Variants in PTPN5 observed in about 807,000 individuals in gnomAD.
PTPN5 encodes protein tyrosine phosphatase non-receptor type 5.
PTPN5 carries 29 observed loss-of-function variants against 73.9 expected under a neutral mutation model. The ratio of observed to expected loss-of-function variants is 0.39; its 90% CI spans 0.29 to 0.54. The LOEUF is 0.54. Ranked by LOEUF, PTPN5 falls within the 20% of genes least tolerant of loss-of-function variation. The pLI is 0.65. For synonymous variants in PTPN5, 267 were observed against 304.7 expected (o/e 0.88, Z 1.29); for missense variants, 652 against 751.4 (o/e 0.87, Z 1.55).
In PTPN5 at chr11:18,742,533, C is replaced by T. The variant is rs199620812; in HGVS notation, c.484-30G>A. On this transcript the variant is annotated intron_variant, in intron 6 of 14. Transcript: ENST00000358540. The surrounding 1 kb of genome is among the most constrained non-coding windows in gnomAD (Gnocchi z 4.1). ...TTGGGGTGTACAGCATCACAGATTT[C>T]GGACCACGCTGGCTGCCCCCCGTGT... The T allele has an allele frequency of 8.8e-5, 142 of 1,607,442 alleles. No homozygotes were observed. Among genetic ancestry groups the T allele is most frequent in the Non-Finnish European group, 1.1e-4 (134 of 1,178,024 alleles).
chr11:18,751,043 G>T (rs943052494), intron 3 of PTPN5, among the ~76,000 whole-genome samples: 7 of 152,188 alleles, frequency 4.6e-5, no homozygotes, highest in Admixed American at 4.6e-4. Flanking sequence ...GGGCGGAGTG[G>T]TGGAAGAGTC....
intron 2 of PTPN5, among the ~76,000 whole-genome samples, chr11:18,770,033 T>A (rs1263797576): frequency 6.6e-6 from 1 of 152,076 alleles, no homozygotes; most frequent in South Asian, 2.1e-4. Flanking sequence ...GCTGGGTAGG[T>A]CTGTAACACG....
chr11:18,764,173 C>T lies in PTPN5; in HGVS notation c.97+1634G>A, dbSNP rs570175461. 5.9e-5 allele frequency among the ~76,000 whole-genome samples: 9 copies of T among 152,294 alleles called. No homozygotes were observed. In the South Asian group the frequency reaches 1.2e-3, roughly 21 times the overall value. ...TCTAGTACTTGAATGCCTCCTGTGA[C>T]GGAACACGCATTTCTTCCTCTGGAA... On this transcript the variant is annotated intron_variant, in intron 3 of 14. Transcript: ENST00000358540.
Position 18,782,780 on chromosome 11 carries a change from A to G in PTPN5, c.-114+8745T>C, listed in dbSNP as rs191912444. Among the ~76,000 whole-genome samples, 4 of 152,314 alleles carry G rather than the reference A, an allele frequency of 2.6e-5. No individual in the cohort carries two copies. The East Asian group carries it at 7.7e-4, about 29-fold the overall frequency. ...GACTGCTTGTAAAGTAAACCTGAAG[A>G]ACATGTGTGAGCATTTTTGGTTGTT... On this transcript the variant is annotated intron_variant, in intron 1 of 14. Transcript: ENST00000358540.
intron 1 of PTPN5, among the ~76,000 whole-genome samples, chr11:18,777,264 T>C (rs1851203437): frequency 6.6e-6 from 1 of 152,226 alleles, no homozygotes; most frequent in Non-Finnish European, 1.5e-5. Context: ...GGCTGCCTGA[T>C]CTTGGGCAAG....
chr11:18,786,268 T>C (rs1851663989), intron 1 of PTPN5, among the ~76,000 whole-genome samples: 1 of 152,124 alleles, frequency 6.6e-6, no homozygotes. Context: ...AGTGGCTCTA[T>C]CTCGGCTCAC....
chr11:18,776,354 ACCT>A (rs1851155516), intron 1 of PTPN5, among the ~76,000 whole-genome samples: 1 of 151,592 alleles, frequency 6.6e-6, no homozygotes, highest in South Asian at 2.1e-4. Flanking sequence ...TTCAAATGTC[ACCT>A]CCTCAATAGA....
chr11:18,734,734 G>A (rs1335919502), intron 9 of PTPN5, among the ~76,000 whole-genome samples: 5 of 152,196 alleles, frequency 3.3e-5, no homozygotes, highest in Non-Finnish European at 7.3e-5. Flanking sequence ...GACTGAGGTT[G>A]TATGGGGTAA....
At chr11:18,732,435 A>G (rs1406991320) in intron 12 of PTPN5, among the ~76,000 whole-genome samples, 157 bp downstream of exon 12, 1 of 152,158 alleles carries the variant, frequency 6.6e-6, no homozygotes, top group Non-Finnish European at 1.5e-5. Context: ...TCCCAAGTCC[A>G]TTCACCTCTC....
intron 3 of PTPN5, among the ~76,000 whole-genome samples, chr11:18,761,589 G>T (rs1272034565): frequency 6.6e-6 from 1 of 152,076 alleles, no homozygotes; most frequent in East Asian, 1.9e-4. Flanking sequence ...TGTGCACAGG[G>T]GTGGGGAAGG....
chr11:18,783,225 C>A (rs1184863003), intron 1 of PTPN5, among the ~76,000 whole-genome samples: 1 of 152,218 alleles, frequency 6.6e-6, no homozygotes. Context: ...CCCCAGCCTC[C>A]CTGCCTCATG....
intron 1 of PTPN5, among the ~76,000 whole-genome samples, chr11:18,780,176 C>T (rs1033710772): frequency 6.6e-6 from 1 of 152,222 alleles, no homozygotes; most frequent in Non-Finnish European, 1.5e-5. Flanking sequence ...GAGAACAATG[C>T]AGGTGACAGC....
chr11:18,771,283 T>C (rs896792494), intron 2 of PTPN5, among the ~76,000 whole-genome samples: 1 of 152,274 alleles, frequency 6.6e-6, no homozygotes. Context: ...AACCTGTCCA[T>C]TCCTCCCTTC....
intron 12 of PTPN5, among the ~76,000 whole-genome samples, chr11:18,732,205 T>C (rs1848907416): frequency 2.0e-5 from 3 of 152,170 alleles, no homozygotes; most frequent in African/African-American, 4.8e-5. Flanking sequence ...GGTGAAGAGA[T>C]GTTTCTAAGG....
At chr11:18,776,131 G>GC (rs1029312160) in intron 1 of PTPN5, among the ~76,000 whole-genome samples, 5 of 152,156 alleles carry the variant, frequency 3.3e-5, no homozygotes, top group African/African-American at 1.2e-4. Context: ...CCCTGCACCT[G>GC]CCCCCAGGTA....
rs1314579060 is a variant in PTPN5 at position 18,728,639 on chromosome 11, A to G, written c.*295T>C. On this transcript the variant is annotated 3_prime_UTR_variant, in exon 15 of 15. Transcript: ENST00000358540. The surrounding 1 kb of genome is among the most constrained non-coding windows in gnomAD (Gnocchi z 4.1). The stretch of plus-strand genomic sequence containing the variant: ...AGCACGGAAACATTCTGGATCAGGT[A>G]TTGATGGAACCATCGTTAAAAACTG... The G allele has an allele frequency of 1.4e-5, 5 of 348,980 alleles. No individual in the cohort carries two copies. The highest frequency in any genetic ancestry group is 2.6e-5 in the Non-Finnish European group (5 of 190,954). 21.6% of individuals were successfully genotyped at this position (348,980 alleles called of 1,614,324 possible).
intron 12 of PTPN5, 38 bp downstream of exon 12, chr11:18,732,554 T>C (rs777270772): frequency 8.6e-6 from 13 of 1,518,984 alleles, no homozygotes; most frequent in Middle Eastern, 1.7e-4. Flanking sequence ...GCCCCTACAC[T>C]CATCCTCAGC....
Position 18,729,372 on chromosome 11 carries a change from C to G in PTPN5, c.1604+81G>C, listed in dbSNP as rs965033820. 4.9e-5 allele frequency: 36 copies of G among 731,172 alleles called. No individual in the cohort carries two copies. Among genetic ancestry groups the G allele is most frequent in the Non-Finnish European group, 8.6e-5 (35 of 406,854 alleles). 45.3% of individuals were successfully genotyped at this position (731,172 alleles called of 1,614,324 possible). ...TTTCCATCTGCCCCTCACCCCCCGC[C>G]CATGCACATGTGGGTCTCTCCCTCT... On this transcript the variant is annotated intron_variant, in intron 14 of 14. Transcript: ENST00000358540. This position sits in a 1 kb window ranked among gnomAD's most constrained non-coding sequence, Gnocchi z 5.2.
intron 1 of PTPN5, among the ~76,000 whole-genome samples, chr11:18,782,516 C>G (rs1172161742): frequency 6.6e-6 from 1 of 152,358 alleles, no homozygotes; most frequent in South Asian, 2.1e-4. Context: ...GTATGAGCCA[C>G]TGCGTCTGGC....
Sources: allele counts gnomAD v4.1 joint callset (sites outside exome capture counted in the v4.1 genomes callset), GRCh38; gene constraint gnomAD v4.1.1; non-coding constraint Gnocchi (gnomAD v3.1); transcripts MANE v1.5; gene names NCBI Gene and HGNC (gene_info 2026-07-23, HGNC 2026-07-21).